The following COQ8A variants were observed in gnomAD, a reference collection of about 807,000 sequenced individuals.
The protein encoded by COQ8A is coenzyme Q8A.
Under a neutral mutation model 65.0 loss-of-function variants are expected in COQ8A, and 51 were observed. The ratio of observed to expected loss-of-function variants is 0.78; its 90% CI spans 0.63 to 0.99. COQ8A has a LOEUF of 0.99. COQ8A is among the 50% of genes least tolerant of loss of function. The probability of loss-of-function intolerance (pLI) is 0.00; values close to 1 mark genes in which losing one functional copy is unlikely to be tolerated. For missense variants in COQ8A, 940 were observed against 875.0 expected (o/e 1.07, Z -0.94); for synonymous variants, 371 against 353.2 (o/e 1.05, Z -0.57).
chr1:226,965,448 C>T, intron 3 of COQ8A, 38 bp downstream of exon 3: 1 of 1,593,404 alleles, frequency 6.3e-7, no homozygotes, highest in Non-Finnish European at 8.5e-7. Flanking sequence ...GAGGTAGCTG[C>T]CACCCACAGC....
At chr1:226,981,282 A>G (rs1659668108) in intron 5 of COQ8A, among the ~76,000 whole-genome samples, 1 of 152,218 alleles carries the variant, frequency 6.6e-6, no homozygotes, top group African/African-American at 2.4e-5. Flanking sequence ...GAGAGGACCC[A>G]GCAGCCCTGG....
intron 4 of COQ8A, among the ~76,000 whole-genome samples, chr1:226,966,956 G>A (rs187044877): frequency 6.6e-6 from 1 of 152,148 alleles, no homozygotes; most frequent in Non-Finnish European, 1.5e-5. Context: ...TCAGCAGTAA[G>A]GTTTTCTTTC....
intron 1 of COQ8A, among the ~76,000 whole-genome samples, chr1:226,952,204 G>A (rs1281536042): frequency 6.6e-6 from 1 of 152,024 alleles, no homozygotes; most frequent in Non-Finnish European, 1.5e-5. Context: ...CTTTCCATCC[G>A]CCTGGTGGCC....
At position 226,976,162 on chromosome 1, in the gene COQ8A, TGTTGCCTGGCTGCGGGGCTGCGGG is replaced by T. The variant is rs1307870437; in HGVS notation, c.656-1286_656-1263del. Among the ~76,000 whole-genome samples, 35 of 18,224 alleles carry T rather than the reference TGTTGCCTGGCTGCGGGGCTGCGGG, an allele frequency of 1.9e-3. 1 individual carries two copies. Among genetic ancestry groups the T allele is most frequent in the Non-Finnish European group, 7.7e-4 (5 of 6,488 alleles). The allele number at this position is 18,224 out of a possible 152,430, so 12.0% of individuals were successfully genotyped here. On this transcript the variant is annotated intron_variant, in intron 4 of 14. Transcript: ENST00000366777. ...GGACTGCGGGGCTGTGGGACTGCGA[TGTTGCCTGGCTGCGGGGCTGCGGG>T]ACTGCGGGGCTGTGGGACTGCGATG...
intron 4 of COQ8A, among the ~76,000 whole-genome samples, chr1:226,970,273 G>A (rs1429730789): frequency 6.6e-6 from 1 of 152,166 alleles, no homozygotes; most frequent in African/African-American, 2.4e-5. Context: ...TCTTAACAAG[G>A]ATTCAGTCCG....
Position 226,986,631 on chromosome 1 carries a change from TG to T in COQ8A, c.1844del (p.Gly615AlafsTer9), listed in dbSNP as rs764847439. The T allele has an allele frequency of 6.2e-6, 10 of 1,613,580 alleles. No individual in the cohort carries two copies. The highest frequency in any genetic ancestry group is 7.6e-6 in the Non-Finnish European group (9 of 1,179,944). On this transcript the variant is annotated frameshift_variant, in exon 15 of 15. Transcript: ENST00000366777. LOFTEE classifies it high-confidence loss of function. ...GAAACCTACTCCCTGCACAGGAAGATGGGGGGCTCCTTCCTCATCTGCTCCA... is the reference window on the plus strand; with the variant it reads ...GAAACCTACTCCCTGCACAGGAAGATGGGGGCTCCTTCCTCATCTGCTCCA... The part of the protein sequence containing the change: ...PEETYSLHRK[M>X]GGSFLICSKL...
intron 8 of COQ8A, 190 bp from the exon 9 acceptor site, chr1:226,983,362 G>A: frequency 1.5e-6 from 1 of 685,232 alleles, no homozygotes. Context: ...TGAGGCAGGA[G>A]TAGGTGGACA....
At position 226,986,711 on chromosome 1, in the gene COQ8A, TACTGCAAGAGGCAGGCCCAGCAGTAGG is replaced by T. The variant is rs763379245; in HGVS notation, c.1919_*1del. 5 of 1,613,688 alleles carry T rather than the reference TACTGCAAGAGGCAGGCCCAGCAGTAGG, an allele frequency of 3.1e-6. No homozygotes were observed. In the African/African-American group the frequency reaches 6.7e-5, roughly 22 times the overall value. On this transcript the variant is annotated stop_lost and 3_prime_UTR_variant, in exon 15 of 15. Transcript: ENST00000366777. Reference sequence around the variant, plus strand: ...CATGTTCGAGGAGGCCTACAGCAACTACTGCAAGAGGCAGGCCCAGCAGTAGGGCTGCGGGCCACGCCCAGGCCGGCT... The same window carrying T: ...CATGTTCGAGGAGGCCTACAGCAACTGCTGCGGGCCACGCCCAGGCCGGCT...
At chr1:226,975,979 T>G (rs1267664826) in intron 4 of COQ8A, among the ~76,000 whole-genome samples, 1 of 150,370 alleles carries the variant, frequency 6.7e-6, no homozygotes, top group African/African-American at 2.4e-5. Context: ...GATGCCAGTT[T>G]CCTTGCGCCT....
chr1:226,944,128 G>A (rs1317224562), intron 1 of COQ8A, among the ~76,000 whole-genome samples: 3 of 152,070 alleles, frequency 2.0e-5, no homozygotes, highest in Non-Finnish European at 4.4e-5. Context: ...GGAGGGAGGA[G>A]GGAGGGCTTC....
chr1:226,987,498 G>GAATC lies in COQ8A; in HGVS notation c.*764_*767dup, dbSNP rs1660188412. 6.6e-6 allele frequency: 1 copy of GAATC among 152,210 alleles called. No individual in the cohort carries two copies. The highest frequency in any genetic ancestry group is 2.4e-5 in the African/African-American group (1 of 41,446). 9.4% of individuals were successfully genotyped at this position (152,210 alleles called of 1,614,324 possible). Reference sequence around the variant, plus strand: ...TTTTTGTACAAGTCTTGTAATTATCGAATCAACAACTTGTTTCAATTTAAT... The same window carrying GAATC: ...TTTTTGTACAAGTCTTGTAATTATCGAATCAATCAACAACTTGTTTCAATTTAAT... On this transcript the variant is annotated 3_prime_UTR_variant, in exon 15 of 15. Transcript: ENST00000366777.
chr1:226,962,228 C>A (rs1658297124), intron 2 of COQ8A, among the ~76,000 whole-genome samples: 1 of 152,190 alleles, frequency 6.6e-6, no homozygotes, highest in Non-Finnish European at 1.5e-5. Flanking sequence ...GCCCTCCTTT[C>A]CTTGGTGGCA....
intron 4 of COQ8A, among the ~76,000 whole-genome samples, chr1:226,968,012 C>T (rs374491389): frequency 2.0e-5 from 3 of 151,136 alleles, no homozygotes; most frequent in East Asian, 3.9e-4. Flanking sequence ...AGGTTATGAC[C>T]CTTTAGTAAC....
chr1:226,953,903 C>T lies in COQ8A; in HGVS notation c.-9-7474C>T, dbSNP rs78682648. On this transcript the variant is annotated intron_variant, in intron 1 of 14. Coordinates refer to ENST00000366777, the MANE Select transcript of COQ8A (RefSeq NM_020247.5). ...CAGAAGTTTGAAGTCTTTGCCCCAACACATACATTCTTGTGAGTCCTTGGA... is the reference window on the plus strand; with the variant it reads ...CAGAAGTTTGAAGTCTTTGCCCCAATACATACATTCTTGTGAGTCCTTGGA... Among the ~76,000 whole-genome samples the T allele has an allele frequency of 2.5e-3, 380 of 152,354 alleles. 8 individuals are homozygous for T. In the East Asian group the frequency reaches 0.046, roughly 19 times the overall value.
At chr1:226,977,073 G>T (rs1247875834) in intron 4 of COQ8A, among the ~76,000 whole-genome samples, 10 of 152,142 alleles carry the variant, frequency 6.6e-5, no homozygotes, top group Non-Finnish European at 1.5e-4. Flanking sequence ...GCCCTGTGTG[G>T]TCGGGGTGAC....
chr1:226,985,294 G>A lies in COQ8A; in HGVS notation c.1613G>A (p.Arg538Gln), dbSNP rs768524626. 3.9e-5 allele frequency: 63 copies of A among 1,613,696 alleles called. No homozygotes were observed. The highest frequency in any genetic ancestry group is 5.0e-5 in the Non-Finnish European group (59 of 1,180,032). The change falls in exon 14 of 15, where the codon CGG becomes CAG. Residue 538 changes from arginine to glutamine, a missense_variant. Physicochemically the swap from Arg to Gln is conservative, Grantham distance 43. Transcript: ENST00000366777. The stretch of plus-strand genomic sequence containing the variant: ...GCCGACAGGGACAGGGAGACTGTGC[G>A]GGCGAAATCCATAGAGATGAAGTTC... ...AAADRDRETV[R>Q]AKSIEMKFLT...
intron 1 of COQ8A, among the ~76,000 whole-genome samples, chr1:226,950,263 T>C (rs1657295477): frequency 1.3e-5 from 2 of 152,176 alleles, no homozygotes; most frequent in Admixed American, 1.3e-4. Context: ...CTGCTGCTTT[T>C]ATATCACCCC....
At position 226,982,064 on chromosome 1, in the gene COQ8A, C is replaced by G. The variant is rs779433640; in HGVS notation, c.768C>G (p.Ser256=). 3 of 1,612,886 alleles carry G rather than the reference C, an allele frequency of 1.9e-6. No individual in the cohort carries two copies. The Admixed American group carries it at 5.0e-5, about 27-fold the overall frequency. The change falls in exon 6 of 15, where the codon TCC becomes TCG. Residue 256 remains serine, a synonymous_variant. Transcript: ENST00000366777. ...TGCTGGGTTCCAGTCCTTTCCTGTC[C>G]GAGGCCAATGCAGAGCGGATCGTGC... ...KAVLGSSPFL[S]EANAERIVRT...
chr1:226,953,631 C>T (rs982091852), intron 1 of COQ8A, among the ~76,000 whole-genome samples: 6 of 152,158 alleles, frequency 3.9e-5, no homozygotes, highest in Non-Finnish European at 7.4e-5. Flanking sequence ...TGCTGGGGCT[C>T]ACTGACGGGG....
Sources: gnomAD v4.1 joint callset for allele counts (sites outside exome capture counted in the v4.1 genomes callset) on GRCh38, gnomAD v4.1.1 for gene constraint, MANE v1.5 for transcripts, NCBI Gene and HGNC (gene_info 2026-07-23, HGNC 2026-07-21) for gene names.